Variants in CSMD3 observed in about 807,000 individuals in gnomAD.
CSMD3 encodes CUB and sushi domain-containing protein 3.
CSMD3 carries 177 observed loss-of-function variants against 435.2 expected under a neutral mutation model. That is an observed-to-expected ratio of 0.41 (90% CI 0.36 to 0.46). The LOEUF (loss-of-function observed/expected upper bound fraction) is 0.46, where lower values mean the gene tolerates loss of function less well. Among genes scored for constraint, CSMD3 ranks in the 20% least tolerant of loss-of-function variants. The pLI, the probability that CSMD3 is intolerant of heterozygous loss-of-function variation, is 0.34. For missense variants in CSMD3, 4,265 were observed against 4,504.6 expected, an observed-to-expected ratio of 0.95 and a Z score of 1.52; for synonymous variants, 1,656 against 1,520.5, an observed-to-expected ratio of 1.09 and a Z score of -2.07.
intron 11 of CSMD3, among the ~76,000 whole-genome samples, chr8:112,832,011 G>A (rs969011802): frequency 6.6e-6 from 1 of 152,006 alleles, no homozygotes; most frequent in African/African-American, 2.4e-5. Flanking sequence ...CAGCTTCCTT[G>A]TTAGATTATT....
At chr8:113,156,348 A>T (rs1049829885) in intron 4 of CSMD3, among the ~76,000 whole-genome samples, 2 of 152,106 alleles carry the variant, frequency 1.3e-5, no homozygotes, top group Non-Finnish European at 2.9e-5. Context: ...AACATATTTT[A>T]TAGAATTTTT....
chr8:112,246,138 A>T lies in CSMD3; in HGVS notation c.10222+882T>A, dbSNP rs924426382. ...CCTTTAAGGAATTTTCCATATTTAA[A>T]TATAAGCCAACAAGGCACATAACAT... On this transcript the variant is annotated intron_variant, in intron 64 of 70. Transcript: ENST00000297405. Among the ~76,000 whole-genome samples, 40 of 152,138 alleles carry T rather than the reference A, an allele frequency of 2.6e-4. 2 individuals carry two copies. The highest frequency in any genetic ancestry group is 2.2e-3 in the Admixed American group (34 of 15,266).
chr8:113,270,459 G>A (rs2093513540), intron 3 of CSMD3, among the ~76,000 whole-genome samples: 1 of 152,138 alleles, frequency 6.6e-6, no homozygotes, highest in South Asian at 2.1e-4. Flanking sequence ...ATTTGACCCA[G>A]CCATCGCATT....
rs1342353387 is a variant in CSMD3, at chr8:112,947,833, G to A, written c.1465C>T (p.Pro489Ser). 6.5e-7 allele frequency: 1 copy of A among 1,549,986 alleles called. No homozygotes were observed. ...IKTASNLCPD[P>S]GEPENGKRIG... ...CTCTTCCCATTTTCTGGTTCTCCTG[G>A]ATCTGGGCATAAATTGGAAGCTGTT... Residue 489 changes from proline (P) to serine (S), a missense_variant, in exon 9 of 71, where the codon CCA becomes TCA. Transcript: ENST00000297405.
intron 17 of CSMD3, 102 bp downstream of exon 17, chr8:112,666,173 CTA>C: frequency 1.1e-6 from 1 of 906,182 alleles, no homozygotes; most frequent in Non-Finnish European, 1.8e-6. Flanking sequence ...CAGCAATTGA[CTA>C]TTACAATAAA....
chr8:112,544,235 C>T (rs1034148954), intron 27 of CSMD3, among the ~76,000 whole-genome samples: 2 of 151,960 alleles, frequency 1.3e-5, no homozygotes, highest in Non-Finnish European at 2.9e-5. Flanking sequence ...GTTCTTACCA[C>T]AGTAAAATAA....
At chr8:113,129,256 T>C (rs1170085254) in intron 4 of CSMD3, among the ~76,000 whole-genome samples, 1 of 152,166 alleles carries the variant, frequency 6.6e-6, no homozygotes, top group Middle Eastern at 3.2e-3. Context: ...TCTTGGGGGA[T>C]ATTCCCACCA....
At chr8:112,370,023 G>GGAAGAAGAGGAAGAA (rs1563852370) in intron 38 of CSMD3, among the ~76,000 whole-genome samples, 3 of 66,592 alleles carry the variant, frequency 4.5e-5, no homozygotes, top group African/African-American at 6.4e-5. Flanking sequence ...AAGAAGAAGA[G>GGAAGAAGAGGAAGAA]GAAGAAGAAG....
intron 5 of CSMD3, among the ~76,000 whole-genome samples, chr8:113,053,444 TATAA>T (rs1460846633): frequency 2.6e-5 from 4 of 152,080 alleles, no homozygotes; most frequent in Non-Finnish European, 4.4e-5. Context: ...TATAAACATA[TATAA>T]ATAATTATAT....
chr8:112,571,615 T>C (rs1182869643), intron 24 of CSMD3, among the ~76,000 whole-genome samples: 2 of 151,418 alleles, frequency 1.3e-5, no homozygotes, highest in Non-Finnish European at 2.9e-5. Flanking sequence ...ATGCCTGTAA[T>C]CCCAGCACTT....
chr8:113,329,916 T>C (rs1257104469), intron 1 of CSMD3, among the ~76,000 whole-genome samples: 3 of 152,114 alleles, frequency 2.0e-5, no homozygotes, highest in African/African-American at 4.8e-5. Flanking sequence ...CATCACTATC[T>C]GAACTGTCTT....
intron 32 of CSMD3, among the ~76,000 whole-genome samples, chr8:112,445,730 A>AT (rs1392407117): frequency 6.6e-6 from 1 of 152,268 alleles, no homozygotes; most frequent in African/African-American, 2.4e-5. Context: ...ACACTGAGTC[A>AT]TTTTTCTGTG....
chr8:112,954,236 A>T (rs1193110630), intron 8 of CSMD3, among the ~76,000 whole-genome samples: 1 of 151,584 alleles, frequency 6.6e-6, no homozygotes, highest in African/African-American at 2.4e-5. Context: ...ATTACCTCAA[A>T]TTAAGACTTG....
intron 31 of CSMD3, among the ~76,000 whole-genome samples, chr8:112,473,318 G>T (rs1328893057): frequency 2.6e-5 from 4 of 152,096 alleles, no homozygotes; most frequent in African/African-American, 9.7e-5. Flanking sequence ...CTGTATATGG[G>T]GGTCCTGTTA....
chr8:112,885,489 T>A (rs1309845344), intron 10 of CSMD3, among the ~76,000 whole-genome samples: 1 of 151,612 alleles, frequency 6.6e-6, no homozygotes, highest in Admixed American at 6.6e-5. Flanking sequence ...GACTTGCCAC[T>A]GAAAAAGTTG....
chr8:112,441,649 G>A (rs1815031558), intron 32 of CSMD3, among the ~76,000 whole-genome samples: 1 of 152,176 alleles, frequency 6.6e-6, no homozygotes, highest in Non-Finnish European at 1.5e-5. Flanking sequence ...GGGAAGCTTT[G>A]GGAAATTTAC....
intron 13 of CSMD3, among the ~76,000 whole-genome samples, chr8:112,788,524 T>C (rs897275679): frequency 6.6e-6 from 1 of 152,100 alleles, no homozygotes; most frequent in African/African-American, 2.4e-5. Context: ...GGTGTCTTAT[T>C]ATAGTCTCCA....
rs182194340 is a variant in CSMD3, at chr8:112,567,215, T to G, written c.4042+6286A>C. On this transcript the variant is annotated intron_variant, in intron 24 of 70. Transcript: ENST00000297405. ...CTTCGCACTTGCTACTCCCTCTGCCTAGAACCCTTTGCCTGTATGTGATTA... is the reference window on the plus strand; with the variant it reads ...CTTCGCACTTGCTACTCCCTCTGCCGAGAACCCTTTGCCTGTATGTGATTA... Among the ~76,000 whole-genome samples the G allele has an allele frequency of 3.0e-3, 460 of 152,302 alleles. 1 individual carries two copies. The highest frequency in any genetic ancestry group is 0.011 in the African/African-American group (438 of 41,584).
intron 22 of CSMD3, among the ~76,000 whole-genome samples, chr8:112,606,873 T>A (rs1243754075): frequency 6.7e-6 from 1 of 149,716 alleles, no homozygotes; most frequent in African/African-American, 2.5e-5. Flanking sequence ...CCTTATGGGA[T>A]GCAGCATTGT....
Sources: gnomAD v4.1 joint callset for allele counts (sites outside exome capture counted in the v4.1 genomes callset) on GRCh38, gnomAD v4.1.1 for gene constraint, MANE v1.5 for transcripts, NCBI Gene and HGNC (gene_info 2026-07-23, HGNC 2026-07-21) for gene names.